Variants in ARHGAP12 observed in about 807,000 individuals in gnomAD.
ARHGAP12 encodes the protein rho GTPase-activating protein 12.
Under a neutral mutation model 108.6 loss-of-function variants are expected in ARHGAP12, and 64 were observed. That is an observed-to-expected ratio of 0.59 (90% CI 0.48 to 0.73). The LOEUF is 0.73. Ranked by LOEUF, ARHGAP12 falls within the 30% of genes least tolerant of loss-of-function variation. The probability of loss-of-function intolerance (pLI) is 0.00; values close to 1 mark genes in which losing one functional copy is unlikely to be tolerated. For missense variants in ARHGAP12, 940 were observed against 1,005.9 expected, an observed-to-expected ratio of 0.93 and a Z score of 0.89; for synonymous variants, 312 against 337.2, an observed-to-expected ratio of 0.93 and a Z score of 0.82.
intron 3 of ARHGAP12, among the ~76,000 whole-genome samples, chr10:31,893,336 GATAGACTGCTAGCAAGACTAAT>G (rs1366069108): frequency 2.0e-5 from 3 of 152,038 alleles, no homozygotes; most frequent in Non-Finnish European, 4.4e-5. Context: ...CAACAAAATT[GATAGACTGCTAGCAAGACTAAT>G]GAAGAACAAA....
intron 19 of ARHGAP12, 96 bp from the exon 20 acceptor site, chr10:31,807,928 G>T: frequency 2.2e-6 from 2 of 919,430 alleles, no homozygotes; most frequent in Non-Finnish European, 1.5e-6. Context: ...ATTTTAAAAA[G>T]AGAAGTAATA....
At chr10:31,857,431 C>G (rs1022622305) in intron 4 of ARHGAP12, among the ~76,000 whole-genome samples, 5 of 152,004 alleles carry the variant, frequency 3.3e-5, no homozygotes, top group Non-Finnish European at 5.9e-5. Context: ...AAATGAGGCA[C>G]AGAGAGACAT....
intron 2 of ARHGAP12, among the ~76,000 whole-genome samples, chr10:31,909,971 C>G (rs899543653): frequency 6.6e-6 from 1 of 152,076 alleles, no homozygotes; most frequent in African/African-American, 2.4e-5. Flanking sequence ...AAGAGAGAGG[C>G]AGAAACTGGA....
At chr10:31,858,518 G>C (rs1350750625) in intron 4 of ARHGAP12, among the ~76,000 whole-genome samples, 1 of 152,122 alleles carries the variant, frequency 6.6e-6, no homozygotes, top group African/African-American at 2.4e-5. Flanking sequence ...AGGAGTTTGA[G>C]CGTTGAGTCT....
intron 9 of ARHGAP12, among the ~76,000 whole-genome samples, chr10:31,832,386 C>A (rs891948254): frequency 6.6e-6 from 1 of 152,156 alleles, no homozygotes; most frequent in Non-Finnish European, 1.5e-5. Context: ...CCTCTCTAGA[C>A]AAACTAGATT....
chr10:31,860,109 T>C (rs1316678351), intron 4 of ARHGAP12, among the ~76,000 whole-genome samples: 4 of 152,160 alleles, frequency 2.6e-5, no homozygotes, highest in African/African-American at 9.7e-5. Flanking sequence ...CATGAACAAT[T>C]TTTCTATTTT....
chr10:31,892,842 A>G (rs1253284439), intron 3 of ARHGAP12, among the ~76,000 whole-genome samples: 1 of 152,234 alleles, frequency 6.6e-6, no homozygotes, highest in Non-Finnish European at 1.5e-5. Flanking sequence ...TTGACCACAT[A>G]GTTGGAAGTA....
intron 1 of ARHGAP12, among the ~76,000 whole-genome samples, chr10:31,927,621 C>T (rs984624715): frequency 1.4e-4 from 21 of 152,300 alleles, no homozygotes; most frequent in African/African-American, 4.8e-4. Context: ...TGCTAAAAGC[C>T]TCTATCCACA....
At chr10:31,871,321 T>G (rs1165913813) in intron 3 of ARHGAP12, among the ~76,000 whole-genome samples, 4 of 152,252 alleles carry the variant, frequency 2.6e-5, no homozygotes, top group African/African-American at 9.6e-5. Flanking sequence ...GTTTTCATGG[T>G]AAACACATAA....
chr10:31,925,221 C>T (rs1334182850), intron 1 of ARHGAP12, among the ~76,000 whole-genome samples: 1 of 152,156 alleles, frequency 6.6e-6, no homozygotes, highest in African/African-American at 2.4e-5. Flanking sequence ...ATCATCCTAC[C>T]AGACCCAATA....
rs1189179514 is a variant in ARHGAP12 at position 31,806,463 on chromosome 10, G to T, written c.*1195C>A. ...AGCAATCTACATTAGTAGGTAAAAA[G>T]AAATTCTCAAATTTAGCAATGTCAT... On this transcript the variant is annotated 3_prime_UTR_variant, in exon 20 of 20. Transcript: ENST00000344936. 1 of 152,526 alleles carries T rather than the reference G, an allele frequency of 6.6e-6. No individual in the cohort carries two copies. The highest frequency in any genetic ancestry group is 1.5e-5 in the Non-Finnish European group (1 of 67,988). 9.4% of individuals were successfully genotyped at this position (152,526 alleles called of 1,614,324 possible). A position where few individuals can be genotyped will look rare whatever the true frequency, so the allele number is the denominator to read the frequency against.
intron 3 of ARHGAP12, among the ~76,000 whole-genome samples, chr10:31,889,953 T>G (rs1838350380): frequency 6.6e-6 from 1 of 152,114 alleles, no homozygotes; most frequent in African/African-American, 2.4e-5. Flanking sequence ...TGGAGGGCCA[T>G]GAAATTCTCA....
At chr10:31,880,442 C>G (rs1358665437) in intron 3 of ARHGAP12, among the ~76,000 whole-genome samples, 1 of 151,752 alleles carries the variant, frequency 6.6e-6, no homozygotes, top group African/African-American at 2.4e-5. Context: ...AACCCCATCT[C>G]TATAGAAAAA....
rs762537578 is a variant in ARHGAP12, at chr10:31,814,274, G to A, written c.1819C>T (p.Pro607Ser). 3.1e-6 allele frequency: 5 copies of A among 1,613,694 alleles called. No homozygotes were observed. Among genetic ancestry groups the A allele is most frequent in the Non-Finnish European group, 4.2e-6 (5 of 1,179,778 alleles). Residue 607 changes from proline to serine, a missense_variant, in exon 14 of 20, where the codon CCC (proline) becomes TCC (serine). Coordinates refer to ENST00000344936, the MANE Select transcript of ARHGAP12 (RefSeq NM_018287.7). ...GACAACTTACAACGAAGCTTTTTGG[G>A]ATCCTTTTGTTCCTTTTCTTTATCA... ...KHDKEKEQKDPKKLRSFKVSS... is the reference protein window; with the variant it reads ...KHDKEKEQKDSKKLRSFKVSS...
At position 31,833,442 on chromosome 10, in the gene ARHGAP12, G is replaced by T. The variant is rs760784046; in HGVS notation, c.1387-1642C>A. Among the ~76,000 whole-genome samples, 52 of 151,966 alleles carry T rather than the reference G, an allele frequency of 3.4e-4. 1 individual carries two copies. Among genetic ancestry groups the T allele is most frequent in the Admixed American group, 2.8e-3 (42 of 15,254 alleles). On this transcript the variant is annotated intron_variant, in intron 9 of 19. Transcript: ENST00000344936. ...ACAGCCTAAGCCTAAGGATGAGAGG[G>T]AGAGTCTAGATCAGGGATTCTCACC...
chr10:31,922,550 C>A (rs1327438955), intron 1 of ARHGAP12, among the ~76,000 whole-genome samples: 1 of 151,944 alleles, frequency 6.6e-6, no homozygotes, highest in Non-Finnish European at 1.5e-5. Flanking sequence ...ACTACAGGTG[C>A]ATGCTACCAT....
intron 1 of ARHGAP12, among the ~76,000 whole-genome samples, chr10:31,919,451 G>A (rs1839697011): frequency 6.6e-6 from 1 of 152,138 alleles, no homozygotes; most frequent in African/African-American, 2.4e-5. Flanking sequence ...CTACTCAAAA[G>A]CCACAAGTAA....
chr10:31,847,331 T>G (rs1373124102), intron 6 of ARHGAP12, among the ~76,000 whole-genome samples: 1 of 152,168 alleles, frequency 6.6e-6, no homozygotes, highest in African/African-American at 2.4e-5. Flanking sequence ...TGGTTTCTAT[T>G]TAAACATATT....
chr10:31,898,792 T>C (rs868281267), intron 3 of ARHGAP12, among the ~76,000 whole-genome samples: 24 of 152,060 alleles, frequency 1.6e-4, no homozygotes, highest in South Asian at 4.1e-4. Flanking sequence ...TGGAGGAGGA[T>C]AGACCATCTA....
Sources: allele counts gnomAD v4.1 joint callset (sites outside exome capture counted in the v4.1 genomes callset), GRCh38; gene constraint gnomAD v4.1.1; transcripts MANE v1.5; gene names NCBI Gene and HGNC (gene_info 2026-07-23, HGNC 2026-07-21).